Variants in QSOX2 observed in about 807,000 individuals in gnomAD.
QSOX2 encodes sulfhydryl oxidase 2.
Under a neutral mutation model 61.7 loss-of-function variants are expected in QSOX2, and 46 were observed. The observed-to-expected ratio is 0.75, with a 90% CI of 0.59 to 0.95. QSOX2 has a LOEUF of 0.95. QSOX2 is among the 40% of genes least tolerant of loss of function. The pLI, the probability that QSOX2 is intolerant of heterozygous loss-of-function variation, is 0.00. For missense variants in QSOX2, 879 were observed against 918.9 expected (o/e 0.96, Z 0.56); for synonymous variants, 383 against 388.4 (o/e 0.99, Z 0.16).
chr9:136,210,135 G>A (rs1176286969), intron 11 of QSOX2: 5 of 985,370 alleles, frequency 5.1e-6, no homozygotes, highest in Non-Finnish European at 4.8e-6. Context: ...CACGAAGCCA[G>A]AGGGGACAAG....
At chr9:136,234,846 C>T (rs1384852684) in intron 1 of QSOX2, among the ~76,000 whole-genome samples, 7 of 151,964 alleles carry the variant, frequency 4.6e-5, no homozygotes, top group South Asian at 2.1e-4. Flanking sequence ...AGCTCCACTG[C>T]GCCCGCCCCA....
At chr9:136,231,586 A>G (rs1830330299) in intron 1 of QSOX2, among the ~76,000 whole-genome samples, 1 of 152,224 alleles carries the variant, frequency 6.6e-6, no homozygotes, top group African/African-American at 2.4e-5. Flanking sequence ...CCCCACACAT[A>G]GGAGGCCCCT....
chr9:136,233,068 C>T (rs750298005), intron 1 of QSOX2, among the ~76,000 whole-genome samples: 2 of 152,008 alleles, frequency 1.3e-5, no homozygotes, highest in South Asian at 2.1e-4. Flanking sequence ...GGAAGAGGAG[C>T]GAGCACCAGT....
At position 136,245,749 on chromosome 9, in the gene QSOX2, C is replaced by G. The variant is rs1554758468; in HGVS notation, c.55G>C (p.Ala19Pro). Residue 19 changes from alanine (A) to proline (P), a missense_variant, in exon 1 of 12, where the codon GCG (alanine) becomes CCG (proline). Ala to Pro is a conservative substitution (Grantham distance 27). Transcript: ENST00000358701. ...GGGGGCGAGCGCCGGGCTCTCAGCG[C>G]AGGTCCCGCTCCGATTCCCGGGCTG... The part of the protein sequence containing the change: ...ARSPGIGAGP[A>P]LRARRSPPPR... 1.7e-6 allele frequency: 2 copies of G among 1,151,952 alleles called. No homozygotes were observed. Among genetic ancestry groups the G allele is most frequent in the Non-Finnish European group, 2.1e-6 (2 of 934,640 alleles). The allele number at this position is 1,151,952 out of a possible 1,614,324, so 71.4% of individuals were successfully genotyped here.
chr9:136,236,321 G>T (rs1830381169), intron 1 of QSOX2, among the ~76,000 whole-genome samples: 1 of 151,632 alleles, frequency 6.6e-6, no homozygotes, highest in African/African-American at 2.4e-5. Context: ...GCGGAGATGG[G>T]GCAGATGCTA....
chr9:136,216,996 G>A (rs903697224), intron 8 of QSOX2, among the ~76,000 whole-genome samples: 11 of 152,194 alleles, frequency 7.2e-5, no homozygotes, highest in African/African-American at 2.7e-4. Context: ...CTGCGCCCAC[G>A]GCCTCGCTCC....
At chr9:136,243,017 T>TC (rs1410845650) in intron 1 of QSOX2, among the ~76,000 whole-genome samples, 1 of 152,172 alleles carries the variant, frequency 6.6e-6, no homozygotes, top group Non-Finnish European at 1.5e-5. Flanking sequence ...CCTGGTTACA[T>TC]CACCTCCCTT....
chr9:136,208,835 A>G lies in QSOX2; in HGVS notation c.1990T>C (p.Cys664Arg). The stretch of plus-strand genomic sequence containing the variant: ...GATGAAGCCACGTACAGCACGACAC[A>G]GAGACTCATGTCCAGGCTGGAGAAG... The part of the protein sequence containing the change: ...VDFSSLDMSL[C>R]VVLYVASSLF... The change falls in exon 12 of 12, where the codon TGT (cysteine) becomes CGT (arginine). Residue 664 changes from cysteine to arginine, a missense_variant. Transcript: ENST00000358701. 1 of 1,614,036 alleles carries G rather than the reference A, an allele frequency of 6.2e-7. No homozygotes were observed. Among genetic ancestry groups the G allele is most frequent in the Non-Finnish European group, 8.5e-7 (1 of 1,180,016 alleles).
intron 2 of QSOX2, 90 bp from the exon 3 acceptor site, chr9:136,224,999 G>C (rs931487512): frequency 1.2e-6 from 1 of 837,086 alleles, no homozygotes. Context: ...ACCTTAGAGG[G>C]AGCTTTACTC....
At chr9:136,245,436 C>A in intron 1 of QSOX2, 40 bp downstream of exon 1, 1 of 1,537,332 alleles carries the variant, frequency 6.5e-7, no homozygotes, top group South Asian at 1.2e-5. Flanking sequence ...AGGCCGCGGT[C>A]CCGGGGGTCG....
At chr9:136,244,837 T>C (rs539844396) in intron 1 of QSOX2, among the ~76,000 whole-genome samples, 6 of 152,314 alleles carry the variant, frequency 3.9e-5, no homozygotes, top group African/African-American at 1.2e-4. Flanking sequence ...AAATTCTTTG[T>C]AGAGTTAAAA....
At chr9:136,219,778 T>C (rs1831959266) in intron 6 of QSOX2, among the ~76,000 whole-genome samples, 1 of 152,242 alleles carries the variant, frequency 6.6e-6, no homozygotes, top group Non-Finnish European at 1.5e-5. Flanking sequence ...GCAGTGCTAT[T>C]TGCAAAAACA....
At chr9:136,210,630 A>G in intron 11 of QSOX2, 1 of 985,408 alleles carries the variant, frequency 1.0e-6, no homozygotes, top group Non-Finnish European at 1.2e-6. Flanking sequence ...GCAAAGAAAA[A>G]CCAATTTCTT....
chr9:136,240,907 G>GC (rs1830428338), intron 1 of QSOX2, among the ~76,000 whole-genome samples: 2 of 152,234 alleles, frequency 1.3e-5, no homozygotes, highest in Admixed American at 1.3e-4. Context: ...CAGTCCCTCA[G>GC]CCCGTCCTCT....
Position 136,218,793 on chromosome 9 carries a change from C to T in QSOX2, c.972G>A (p.Thr324=), listed in dbSNP as rs777836530. Residue 324 remains threonine (T), a synonymous_variant, in exon 8 of 12, where the codon ACG becomes ACA. Transcript: ENST00000358701. The part of the protein sequence containing the change: ...WREFDKSKLY[T]VDLESGLHYL... Reference sequence around the variant, plus strand: ...AGTGTAGCCCTGACTCCAGGTCCACCGTGTACAGCTTCGACCTAGGACGGG... The same window carrying T: ...AGTGTAGCCCTGACTCCAGGTCCACTGTGTACAGCTTCGACCTAGGACGGG... 19 of 1,613,340 alleles carry T rather than the reference C, an allele frequency of 1.2e-5. No homozygotes were observed. Among genetic ancestry groups the T allele is most frequent in the Non-Finnish European group, 1.4e-5 (16 of 1,179,984 alleles).
intron 1 of QSOX2, among the ~76,000 whole-genome samples, chr9:136,239,071 G>A (rs1353142652): frequency 3.3e-5 from 5 of 152,350 alleles, no homozygotes; most frequent in Non-Finnish European, 5.9e-5. Context: ...CCTTCACCTC[G>A]TGGCTCCTCT....
At chr9:136,210,322 A>T (rs2131048031) in intron 11 of QSOX2, 1 of 985,478 alleles carries the variant, frequency 1.0e-6, no homozygotes, top group Non-Finnish European at 1.2e-6. Flanking sequence ...AGTGACAATC[A>T]CACTGGGCTG....
At chr9:136,242,496 AGGT>A in intron 1 of QSOX2, among the ~76,000 whole-genome samples, 1 of 152,396 alleles carries the variant, frequency 6.6e-6, no homozygotes, top group South Asian at 2.1e-4. Flanking sequence ...CCTAAGTCAC[AGGT>A]GATTGATCAG....
At chr9:136,240,968 C>T (rs922231170) in intron 1 of QSOX2, among the ~76,000 whole-genome samples, 7 of 152,294 alleles carry the variant, frequency 4.6e-5, no homozygotes, top group Admixed American at 3.3e-4. Context: ...CATGGCACGA[C>T]GACCGGCATG....
Sources: gnomAD v4.1 joint callset for allele counts (sites outside exome capture counted in the v4.1 genomes callset) on GRCh38, gnomAD v4.1.1 for gene constraint, MANE v1.5 for transcripts, NCBI Gene and HGNC (gene_info 2026-07-23, HGNC 2026-07-21) for gene names.